The following NUP85 variants were observed in gnomAD, a reference collection of about 807,000 sequenced individuals.
NUP85 encodes nuclear pore complex protein Nup85.
In NUP85, 23 loss-of-function variants were observed where a neutral mutation model predicts 92.8. The ratio of observed to expected loss-of-function variants is 0.25; its 90% CI spans 0.18 to 0.35. The LOEUF is 0.35. Among genes scored for constraint, NUP85 ranks in the 10% least tolerant of loss-of-function variants. The pLI is 1.00. For synonymous variants in NUP85, 314 were observed against 306.9 expected, an observed-to-expected ratio of 1.02 and a Z score of -0.24; for missense variants, 759 against 822.8, an observed-to-expected ratio of 0.92 and a Z score of 0.95.
intron 14 of NUP85, chr17:75,232,218 C>T (rs917055276): frequency 9.8e-6 from 5 of 511,680 alleles, no homozygotes; most frequent in African/African-American, 7.7e-5. Flanking sequence ...GCCTGAGCCG[C>T]CCCTTTTCTC....
rs1271077352 is a variant in NUP85, at chr17:75,226,076, G to A, written c.1013G>A (p.Gly338Asp). The A allele has an allele frequency of 9.9e-6, 16 of 1,614,012 alleles. No individual in the cohort carries two copies. The highest frequency in any genetic ancestry group is 1.3e-5 in the Non-Finnish European group (15 of 1,180,022). ...TCCAGCCTGGACCTGTTTCTGGGAG[G>A]TGAGAGCAGCCCAGAACCCCTGGAC... is the stretch of plus-strand genomic sequence containing the variant. The part of the protein sequence containing the change: ...AQSSLDLFLG[G>D]ESSPEPLDNI... Residue 338 changes from glycine to aspartate, a missense_variant, in exon 11 of 19, where the codon GGT becomes GAT. By Grantham distance (94) the Gly-to-Asp change is moderately conservative (BLOSUM62 -1). Coordinates refer to ENST00000245544, the MANE Select transcript of NUP85 (RefSeq NM_024844.5).
intron 11 of NUP85, chr17:75,226,646 C>T (rs2075807251): frequency 2.7e-6 from 1 of 372,776 alleles, no homozygotes; most frequent in Non-Finnish European, 5.3e-6. Flanking sequence ...TGCTCCCCTG[C>T]TTGACTTGCC....
At chr17:75,213,722 A>G (rs1317659211) in intron 5 of NUP85, among the ~76,000 whole-genome samples, 1 of 149,794 alleles carries the variant, frequency 6.7e-6, no homozygotes, top group Non-Finnish European at 1.5e-5. Flanking sequence ...TCTTGAACTC[A>G]ACATTTTTTT....
At chr17:75,228,784 G>C (rs1264279192) in intron 11 of NUP85, 1 of 985,288 alleles carries the variant, frequency 1.0e-6, no homozygotes, top group African/African-American at 1.7e-5. Context: ...GTGGGCCCCT[G>C]ATTTACTCCT....
chr17:75,225,207 G>T lies in NUP85; in HGVS notation c.702G>T (p.Gly234=), dbSNP rs374138636. 1 of 1,609,148 alleles carries T rather than the reference G, an allele frequency of 6.2e-7. No homozygotes were observed. Among genetic ancestry groups the T allele is most frequent in the South Asian group, 1.1e-5 (1 of 90,490 alleles). ...PASAGICRIM[G]DLMRTMPILS... is the part of the protein sequence containing the mutation. ...CTGCAGGCATATGCCGAATCATGGGGGACCTGATGAGGACAATGCCCATTC... is the reference window on the plus strand; with the variant it reads ...CTGCAGGCATATGCCGAATCATGGGTGACCTGATGAGGACAATGCCCATTC... The change falls in exon 8 of 19, where the codon GGG becomes GGT. Residue 234 remains glycine (G), a synonymous_variant. Coordinates refer to ENST00000245544, the MANE Select transcript of NUP85 (RefSeq NM_024844.5).
intron 1 of NUP85, among the ~76,000 whole-genome samples, chr17:75,207,291 C>T (rs986423796): frequency 3.9e-5 from 6 of 151,960 alleles, no homozygotes. Flanking sequence ...TCAAGCAATT[C>T]TCCTGCCTCA....
intron 6 of NUP85, among the ~76,000 whole-genome samples, chr17:75,217,062 T>C (rs2075451925): frequency 6.6e-6 from 1 of 151,846 alleles, no homozygotes; most frequent in South Asian, 2.1e-4. Context: ...ATTTTTTGTG[T>C]GTATATGCTG....
chr17:75,222,295 T>C (rs890729886), intron 7 of NUP85, among the ~76,000 whole-genome samples: 2 of 152,138 alleles, frequency 1.3e-5, no homozygotes, highest in African/African-American at 4.8e-5. Context: ...TCCACCCTCC[T>C]TGGCTTCCCA....
intron 7 of NUP85, among the ~76,000 whole-genome samples, chr17:75,219,183 AAAG>A: frequency 6.6e-6 from 1 of 152,272 alleles, no homozygotes; most frequent in Middle Eastern, 3.4e-3. Flanking sequence ...GGACAAAAAA[AAAG>A]AAAAGAAAAG....
At position 75,234,683 on chromosome 17, in the gene NUP85, C is replaced by T. The variant is rs776291455; in HGVS notation, c.1662C>T (p.Ala554=). 63 of 1,614,032 alleles carry T rather than the reference C, an allele frequency of 3.9e-5. No individual in the cohort carries two copies. The Middle Eastern group carries it at 4.9e-4, about 13-fold the overall frequency. The change falls in exon 17 of 19, where the codon GCC becomes GCT. Residue 554 remains alanine (A), a synonymous_variant. Coordinates refer to ENST00000245544, the MANE Select transcript of NUP85 (RefSeq NM_024844.5). ...GTATGTACGGGGAGAAGCGTTTTGCCGACGCAGCTTCTCTCCTTCTGTCCT... is the reference window on the plus strand; with the variant it reads ...GTATGTACGGGGAGAAGCGTTTTGCTGACGCAGCTTCTCTCCTTCTGTCCT... ...FHRMYGEKRF[A]DAASLLLSLM... is the part of the protein sequence containing the mutation.
Position 75,231,413 on chromosome 17 carries a change from C to T in NUP85, c.1168C>T (p.His390Tyr), listed in dbSNP as rs2076052032. Residue 390 changes from histidine (H) to tyrosine (Y), a missense_variant, in exon 12 of 19, where the codon CAC becomes TAC. By Grantham distance (83) the His-to-Tyr change is moderately conservative (BLOSUM62 2). Coordinates refer to ENST00000245544, the MANE Select transcript of NUP85 (RefSeq NM_024844.5). The surrounding 1 kb of genome is among the most constrained non-coding windows in gnomAD (Gnocchi z 4.6). ...LLDHCKLLQS[H>Y]NLYFGSNMRE... The stretch of plus-strand genomic sequence containing the variant: ...GGACCACTGCAAGCTCCTCCAGTCA[C>T]ACAACCTCTAGTAAGTGGCCGGGAG... 6.2e-7 allele frequency: 1 copy of T among 1,614,224 alleles called. No homozygotes were observed. The highest frequency in any genetic ancestry group is 2.2e-5 in the East Asian group (1 of 44,888).
chr17:75,225,656 C>G (rs2075765073), intron 9 of NUP85, 42 bp from the exon 10 acceptor site: 2 of 1,610,766 alleles, frequency 1.2e-6, no homozygotes, highest in African/African-American at 1.3e-5. Flanking sequence ...AGAAGGTACC[C>G]CTGAGAGGAG....
chr17:75,222,495 A>ATTT (rs578181379), intron 7 of NUP85, among the ~76,000 whole-genome samples: 1 of 83,416 alleles, frequency 1.2e-5, no homozygotes, highest in African/African-American at 5.0e-5. Context: ...TATATTTGTG[A>ATTT]TTTTTTTTTT....
rs116703181 is a variant in NUP85 at position 75,232,216 on chromosome 17, C to T, written c.1396+237C>T. On this transcript the variant is annotated intron_variant, in intron 14 of 18. Transcript: ENST00000245544. ...ACACGCCATCTGGAAAGGCCTGAGC[C>T]GCCCCTTTTCTCACACACTTGATTC... 704 of 516,658 alleles carry T rather than the reference C, an allele frequency of 1.4e-3. 8 individuals carry two copies. The highest frequency in any genetic ancestry group is 0.012 in the African/African-American group (648 of 52,190). The allele number at this position is 516,658 out of a possible 1,614,324, so 32.0% of individuals were successfully genotyped here. A position where few individuals can be genotyped will look rare whatever the true frequency, so the allele number is the denominator to read the frequency against.
intron 7 of NUP85, among the ~76,000 whole-genome samples, chr17:75,219,260 CTGAT>C (rs1423609273): frequency 5.9e-5 from 9 of 152,188 alleles, no homozygotes; most frequent in African/African-American, 9.7e-5. Flanking sequence ...GTTTGAGTCT[CTGAT>C]TGATTCGCTA....
In NUP85 at chr17:75,212,081, T is replaced by TGCGC. The variant is rs539810910; in HGVS notation, c.361+23_361+26dup. 2.0e-3 allele frequency: 2,580 copies of TGCGC among 1,311,724 alleles called. 8 individuals are homozygous for TGCGC. The highest frequency in any genetic ancestry group is 8.1e-3 in the African/African-American group (534 of 65,634). The allele number at this position is 1,311,724 out of a possible 1,614,324, so 81.3% of individuals were successfully genotyped here. A position where few individuals can be genotyped will look rare whatever the true frequency, so the allele number is the denominator to read the frequency against. On this transcript the variant is annotated intron_variant, in intron 4 of 18. Coordinates refer to ENST00000245544, the MANE Select transcript of NUP85 (RefSeq NM_024844.5). ...GTTGCAAGTAAGGACTGTGTGCGCG[T>TGCGC]GCGCGCGTGTGTGTGTGTGTGTGTG...
chr17:75,215,677 G>A, intron 5 of NUP85, 77 bp from the exon 6 acceptor site: 1 of 1,339,786 alleles, frequency 7.5e-7, no homozygotes, highest in Admixed American at 1.7e-5. Context: ...ATGAGTCAAA[G>A]TCTGCTTTAT....
chr17:75,235,684 T>G lies in NUP85; in HGVS notation c.*5T>G. On this transcript the variant is annotated 3_prime_UTR_variant, in exon 19 of 19. Coordinates refer to ENST00000245544, the MANE Select transcript of NUP85 (RefSeq NM_024844.5). ...GGCTCACTGGAAGGTTCCTGAGAACTGCTTCAATGTGGTATCTTTGTATGG... is the reference window on the plus strand; with the variant it reads ...GGCTCACTGGAAGGTTCCTGAGAACGGCTTCAATGTGGTATCTTTGTATGG... 1 of 1,590,872 alleles carries G rather than the reference T, an allele frequency of 6.3e-7. No homozygotes were observed. Among genetic ancestry groups the G allele is most frequent in the South Asian group, 1.1e-5 (1 of 90,418 alleles).
At chr17:75,212,238 T>TTTTTTG (rs1568069549) in intron 4 of NUP85, among the ~76,000 whole-genome samples, 176 bp downstream of exon 4, 1 of 7,974 alleles carries the variant, frequency 1.3e-4, no homozygotes, top group African/African-American at 1.7e-4. Flanking sequence ...GGTTTTTTTT[T>TTTTTTG]TTGTTGTTGT....
Sources: gnomAD v4.1 joint callset for allele counts (sites outside exome capture counted in the v4.1 genomes callset) on GRCh38, gnomAD v4.1.1 for gene constraint, Gnocchi (gnomAD v3.1) non-coding constraint, MANE v1.5 for transcripts, NCBI Gene and HGNC (gene_info 2026-07-23, HGNC 2026-07-21) for gene names.